Variants in CCM2 observed in about 807,000 individuals in gnomAD.
CCM2 encodes the protein cerebral cavernous malformations 2 protein.
A neutral mutation model predicts 44.9 loss-of-function variants in CCM2; 25 were observed. The ratio of observed to expected loss-of-function variants is 0.56; its 90% CI spans 0.41 to 0.78. The LOEUF is 0.78. Among genes scored for constraint, CCM2 ranks in the 30% least tolerant of loss-of-function variants. The probability of loss-of-function intolerance (pLI) is 0.00; values close to 1 mark genes in which losing one functional copy is unlikely to be tolerated. For missense variants in CCM2, 481 were observed against 580.6 expected (o/e 0.83, Z 1.76); for synonymous variants, 219 against 241.1 (o/e 0.91, Z 0.85).
intron 2 of CCM2, among the ~76,000 whole-genome samples, chr7:45,055,308 G>A (rs896456877): frequency 6.6e-6 from 1 of 152,184 alleles, no homozygotes; most frequent in African/African-American, 2.4e-5. Context: ...AATAATATTT[G>A]TGGATGATAC....
chr7:45,037,200 C>T (rs1797264845), intron 1 of CCM2, among the ~76,000 whole-genome samples: 1 of 148,044 alleles, frequency 6.8e-6, no homozygotes, highest in Non-Finnish European at 1.5e-5. Flanking sequence ...TGATGAAAAG[C>T]TTTCTTACGG....
At chr7:45,051,422 T>G (rs555040851) in intron 2 of CCM2, among the ~76,000 whole-genome samples, 1 of 151,674 alleles carries the variant, frequency 6.6e-6, no homozygotes, top group African/African-American at 2.4e-5. Context: ...TATTGAGACA[T>G]AGTCTCGTTC....
intron 1 of CCM2, among the ~76,000 whole-genome samples, chr7:45,019,387 GTAGATCAGTTTTGA>G (rs1431878128): frequency 6.6e-6 from 1 of 152,122 alleles, no homozygotes; most frequent in Non-Finnish European, 1.5e-5. Context: ...CTTTGGTTTG[GTAGATCAGTTTTGA>G]TCTTTGTCCT....
At chr7:45,024,981 A>T (rs568500646) in intron 1 of CCM2, among the ~76,000 whole-genome samples, 1 of 152,256 alleles carries the variant, frequency 6.6e-6, no homozygotes, top group East Asian at 1.9e-4. Flanking sequence ...TTCTCCTCTT[A>T]GGAAACTGTT....
In CCM2 at chr7:45,070,182, C is replaced by A. The variant is rs935174577; in HGVS notation, c.745+221C>A. ...GAGTTGCACCAGGTCAGCGCTATGGCTTCCTGGAATAAATTTGGGGTCTGT... is the reference window on the plus strand; with the variant it reads ...GAGTTGCACCAGGTCAGCGCTATGGATTCCTGGAATAAATTTGGGGTCTGT... On this transcript the variant is annotated intron_variant, in intron 6 of 9. Transcript: ENST00000258781. 4 of 593,346 alleles carry A rather than the reference C, an allele frequency of 6.7e-6. No individual in the cohort carries two copies. In the African/African-American group the frequency reaches 7.4e-5, roughly 11 times the overall value. The allele number at this position is 593,346 out of a possible 1,614,324, so 36.8% of individuals were successfully genotyped here. A position where few individuals can be genotyped will look rare whatever the true frequency, so the allele number is the denominator to read the frequency against.
chr7:45,074,061 C>T (rs1799221209), intron 8 of CCM2: 2 of 1,026,226 alleles, frequency 1.9e-6, no homozygotes, highest in East Asian at 2.7e-5. Flanking sequence ...GTGGAGCTGC[C>T]CGGGTGCCTT....
At chr7:45,031,552 T>C (rs958695572) in intron 1 of CCM2, among the ~76,000 whole-genome samples, 2 of 151,970 alleles carry the variant, frequency 1.3e-5, no homozygotes, top group Admixed American at 6.6e-5. Context: ...CTTTTTTCTT[T>C]TTAATTAATA....
chr7:45,047,468 T>A (rs1797811852), intron 2 of CCM2, among the ~76,000 whole-genome samples: 1 of 152,050 alleles, frequency 6.6e-6, no homozygotes, highest in African/African-American at 2.4e-5. Context: ...GCCCAGGAAG[T>A]CCAGGCTGCA....
chr7:45,042,968 CT>C (rs35874377), intron 2 of CCM2, among the ~76,000 whole-genome samples: 159 of 134,624 alleles, frequency 1.2e-3, no homozygotes, highest in Middle Eastern at 3.7e-3. Context: ...TCTTCTTCTT[CT>C]TTTTTTTTTT....
rs189527897 is a variant in CCM2 at position 45,018,821 on chromosome 7, G to A, written c.30+18458G>A. ...TGTCGCCAGGCTGGAGTGCAGTAGC[G>A]CAATCTCAGCTTACTGCAACCTCTG... On this transcript the variant is annotated intron_variant, in intron 1 of 9. Transcript: ENST00000258781. Among the ~76,000 whole-genome samples the A allele has an allele frequency of 6.2e-3, 938 of 150,862 alleles. 13 individuals are homozygous for A. Among genetic ancestry groups the A allele is most frequent in the African/African-American group, 0.021 (867 of 41,020 alleles).
intron 1 of CCM2, among the ~76,000 whole-genome samples, chr7:45,008,834 G>T (rs1795953045): frequency 1.3e-5 from 2 of 152,138 alleles, no homozygotes; most frequent in African/African-American, 2.4e-5. Context: ...ATGCTACTGG[G>T]TATAGACAAT....
Position 45,068,482 on chromosome 7 carries a change from C to T in CCM2, c.512C>T (p.Ala171Val), listed in dbSNP as rs148547810. The T allele has an allele frequency of 1.1e-4, 175 of 1,614,050 alleles. No individual in the cohort carries two copies. The highest frequency in any genetic ancestry group is 1.4e-4 in the Non-Finnish European group (164 of 1,180,040). Residue 171 changes from alanine (A) to valine (V), a missense_variant, in exon 5 of 10, where the codon GCG becomes GTG. Coordinates refer to ENST00000258781, the MANE Select transcript of CCM2 (RefSeq NM_031443.4). Reference sequence around the variant, plus strand: ...ATCTCCCCCAGCCAGAGTCTGTGTGCGGAAAGTTCCAGAGGCCTCAGTGCA... The same window carrying T: ...ATCTCCCCCAGCCAGAGTCTGTGTGTGGAAAGTTCCAGAGGCCTCAGTGCA... ...PGISPSQSLC[A>V]ESSRGLSAGS...
intron 1 of CCM2, among the ~76,000 whole-genome samples, chr7:45,002,734 C>A (rs1795692336): frequency 6.6e-6 from 1 of 152,254 alleles, no homozygotes; most frequent in Middle Eastern, 3.4e-3. Flanking sequence ...TGGGTTTCCT[C>A]AAGTGGGCCA....
chr7:45,065,033 C>G (rs890912385), intron 4 of CCM2, among the ~76,000 whole-genome samples: 2 of 152,152 alleles, frequency 1.3e-5, no homozygotes, highest in African/African-American at 4.8e-5. Context: ...ATATTTTGAG[C>G]TCTGCACAGT....
intron 1 of CCM2, chr7:45,027,902 T>C: frequency 8.3e-7 from 1 of 1,203,254 alleles, no homozygotes; most frequent in Non-Finnish European, 1.2e-6. Flanking sequence ...CATTGTGAGC[T>C]AGGGTAGCCC....
chr7:45,059,813 A>G (rs1798442674), intron 2 of CCM2, among the ~76,000 whole-genome samples: 1 of 152,334 alleles, frequency 6.6e-6, no homozygotes, highest in Non-Finnish European at 1.5e-5. Context: ...ATTCACAACT[A>G]ATCAAAATCC....
At chr7:45,009,978 T>A (rs745425288) in intron 1 of CCM2, among the ~76,000 whole-genome samples, 2 of 151,974 alleles carry the variant, frequency 1.3e-5, no homozygotes, top group Non-Finnish European at 2.9e-5. Context: ...GGTGCAATCA[T>A]GGCACACTGC....
intron 2 of CCM2, among the ~76,000 whole-genome samples, chr7:45,041,689 G>C (rs1797508223): frequency 6.6e-6 from 1 of 152,162 alleles, no homozygotes; most frequent in African/African-American, 2.4e-5. Context: ...CCTGCTACCA[G>C]AGGCTAAGTG....
chr7:45,068,645 A>T (rs1583980983), intron 5 of CCM2, 66 bp downstream of exon 5: 3 of 1,592,452 alleles, frequency 1.9e-6, no homozygotes, highest in Non-Finnish European at 2.6e-6. Context: ...GGCCAGCCCC[A>T]CCCTGGCCAC....
Sources: gnomAD v4.1 joint callset for allele counts (sites outside exome capture counted in the v4.1 genomes callset) on GRCh38, gnomAD v4.1.1 for gene constraint, MANE v1.5 for transcripts, NCBI Gene and HGNC (gene_info 2026-07-23, HGNC 2026-07-21) for gene names.